The following SGCZ variants were observed in gnomAD, a reference collection of about 807,000 sequenced individuals.
SGCZ encodes zeta-sarcoglycan.
A neutral mutation model predicts 41.3 loss-of-function variants in SGCZ; 40 were observed. The ratio of observed to expected loss-of-function variants is 0.97; its 90% CI spans 0.75 to 1.26. The LOEUF (loss-of-function observed/expected upper bound fraction) is 1.26, where lower values mean the gene tolerates loss of function less well. Among genes scored for constraint, SGCZ ranks in the 50% most tolerant of loss-of-function variants. SGCZ has a pLI of 0.00. For missense variants in SGCZ, 552 were observed against 369.8 expected (o/e 1.49, Z -4.04); for synonymous variants, 206 against 137.5 (o/e 1.50, Z -3.49).
intron 1 of SGCZ, among the ~76,000 whole-genome samples, chr8:14,765,721 C>T (rs1020719586): frequency 6.6e-6 from 1 of 152,112 alleles, no homozygotes; most frequent in East Asian, 1.9e-4. Context: ...ATGACAAACG[C>T]TAACAGAAAT....
At chr8:15,171,517 T>A (rs987528059) in intron 1 of SGCZ, among the ~76,000 whole-genome samples, 1 of 152,192 alleles carries the variant, frequency 6.6e-6, no homozygotes, top group African/African-American at 2.4e-5. Flanking sequence ...TGAAAATCAC[T>A]CAAAGTCTAA....
intron 1 of SGCZ, among the ~76,000 whole-genome samples, chr8:15,076,792 A>G (rs1805549960): frequency 6.9e-6 from 1 of 144,956 alleles, no homozygotes; most frequent in African/African-American, 2.6e-5. Context: ...TTCTCTGCAC[A>G]CCGCCTCCCT....
At chr8:14,126,705 T>C (rs181407872) in intron 5 of SGCZ, among the ~76,000 whole-genome samples, 25 of 152,244 alleles carry the variant, frequency 1.6e-4, no homozygotes, top group African/African-American at 4.6e-4. Context: ...TGCAACACTA[T>C]TGACAGTAGC....
intron 1 of SGCZ, among the ~76,000 whole-genome samples, chr8:14,566,183 CTATT>C (rs556843299): frequency 3.9e-5 from 6 of 152,266 alleles, no homozygotes; most frequent in Admixed American, 6.5e-5. Context: ...TATATGCTGA[CTATT>C]TAGATAAAGA....
At chr8:14,865,781 A>G (rs1170496657) in intron 1 of SGCZ, among the ~76,000 whole-genome samples, 2 of 152,134 alleles carry the variant, frequency 1.3e-5, no homozygotes, top group African/African-American at 4.8e-5. Flanking sequence ...ACAAGCACTT[A>G]GGGAACTAGC....
At chr8:14,393,750 A>G (rs910099573) in intron 2 of SGCZ, among the ~76,000 whole-genome samples, 3 of 152,184 alleles carry the variant, frequency 2.0e-5, no homozygotes, top group African/African-American at 7.2e-5. Context: ...CCCAGGGTAT[A>G]CACCCTAGAC....
intron 1 of SGCZ, among the ~76,000 whole-genome samples, chr8:15,111,300 C>A (rs1807040812): frequency 6.6e-6 from 1 of 152,164 alleles, no homozygotes; most frequent in Non-Finnish European, 1.5e-5. Flanking sequence ...AGAGGCAACT[C>A]TCCCTACAAC....
At chr8:14,482,535 C>G (rs5023502) in intron 2 of SGCZ, among the ~76,000 whole-genome samples, 137,745 of 152,124 alleles carry the variant, frequency 0.91, 63,716 homozygotes, top group East Asian at 1. Flanking sequence ...AGAGTCTTTT[C>G]TTGCTTGATT....
intron 1 of SGCZ, among the ~76,000 whole-genome samples, chr8:14,963,193 A>G (rs866026099): frequency 1.3e-5 from 2 of 152,324 alleles, no homozygotes; most frequent in South Asian, 4.1e-4. Flanking sequence ...ATCGAACACC[A>G]TATATGGCAT....
intron 3 of SGCZ, among the ~76,000 whole-genome samples, chr8:14,293,130 A>G (rs554924770): frequency 9.9e-5 from 15 of 152,146 alleles, no homozygotes; most frequent in African/African-American, 3.6e-4. Context: ...GTAAGCTTAA[A>G]TGGAGTCTAA....
intron 2 of SGCZ, among the ~76,000 whole-genome samples, chr8:14,480,478 G>A (rs894481866): frequency 6.6e-6 from 1 of 151,922 alleles, no homozygotes; most frequent in Non-Finnish European, 1.5e-5. Context: ...TTTACCCTTT[G>A]CTACACACCA....
At chr8:14,160,126 T>A (rs780344488) in intron 5 of SGCZ, among the ~76,000 whole-genome samples, 1 of 152,220 alleles carries the variant, frequency 6.6e-6, no homozygotes, top group Non-Finnish European at 1.5e-5. Flanking sequence ...AAAGCAGATA[T>A]GCTTTCTTTT....
intron 1 of SGCZ, among the ~76,000 whole-genome samples, chr8:15,236,223 C>T (rs1585704218): frequency 6.6e-6 from 1 of 151,764 alleles, no homozygotes; most frequent in Non-Finnish European, 1.5e-5. Context: ...TTCTGGCAGG[C>T]GCCACTGTTC....
intron 1 of SGCZ, among the ~76,000 whole-genome samples, chr8:14,923,248 C>G (rs1215664094): frequency 6.6e-6 from 1 of 152,146 alleles, no homozygotes; most frequent in Non-Finnish European, 1.5e-5. Context: ...AGCCTTTATT[C>G]TACTTTGACT....
intron 2 of SGCZ, among the ~76,000 whole-genome samples, chr8:14,435,276 C>T (rs2117349787): frequency 6.6e-6 from 1 of 152,252 alleles, no homozygotes; most frequent in East Asian, 1.9e-4. Flanking sequence ...TTCAACATCT[C>T]CTCACTCCTT....
At chr8:14,150,657 C>A (rs544142899) in intron 5 of SGCZ, among the ~76,000 whole-genome samples, 1 of 152,256 alleles carries the variant, frequency 6.6e-6, no homozygotes, top group South Asian at 2.1e-4. Context: ...TATGATCCAG[C>A]AATCCTACTG....
In SGCZ at chr8:14,211,260, C is replaced by T. The variant is rs141412741; in HGVS notation, c.424+26332G>A. Reference sequence around the variant, plus strand: ...TTTCTGTGCTCCTGGGCTGTGCAGTCATCCCAGTGTCCGGGTACTGCAGAT... The same window carrying T: ...TTTCTGTGCTCCTGGGCTGTGCAGTTATCCCAGTGTCCGGGTACTGCAGAT... On this transcript the variant is annotated intron_variant, in intron 4 of 7. Transcript: ENST00000382080. 6.6e-3 allele frequency among the ~76,000 whole-genome samples: 1,005 copies of T among 152,208 alleles called. 10 individuals are homozygous for T. The highest frequency in any genetic ancestry group is 0.023 in the African/African-American group (949 of 41,524).
At chr8:14,267,109 T>C (rs930634633) in intron 3 of SGCZ, among the ~76,000 whole-genome samples, 33 of 152,134 alleles carry the variant, frequency 2.2e-4, no homozygotes, top group Non-Finnish European at 3.5e-4. Context: ...GTGTGGTAGA[T>C]AATAGTCCTT....
chr8:14,794,381 G>A (rs911310150), intron 1 of SGCZ, among the ~76,000 whole-genome samples: 1 of 151,984 alleles, frequency 6.6e-6, no homozygotes, highest in Non-Finnish European at 1.5e-5. Flanking sequence ...TTATATAAAA[G>A]AAAAGACAAA....
Sources: gnomAD v4.1 joint callset for allele counts (sites outside exome capture counted in the v4.1 genomes callset) on GRCh38, gnomAD v4.1.1 for gene constraint, MANE v1.5 for transcripts, NCBI Gene and HGNC (gene_info 2026-07-23, HGNC 2026-07-21) for gene names.